DGKI: variants seen among roughly 807,000 people sequenced by gnomAD.
DGKI encodes the protein DAG kinase iota.
Under a neutral mutation model 147.5 loss-of-function variants are expected in DGKI, and 55 were observed. That is an observed-to-expected ratio of 0.37 (90% CI 0.30 to 0.47). DGKI has a LOEUF of 0.47. DGKI is among the 20% of genes least tolerant of loss of function. DGKI has a pLI of 1.00. For synonymous variants in DGKI, 469 were observed against 477.1 expected (o/e 0.98, Z 0.22); for missense variants, 1,007 against 1,323.8 (o/e 0.76, Z 3.71).
intron 6 of DGKI, among the ~76,000 whole-genome samples, chr7:137,636,098 G>A (rs1308072898): frequency 6.6e-5 from 10 of 152,168 alleles, no homozygotes; most frequent in Non-Finnish European, 1.3e-4. Context: ...AACAGAAGCT[G>A]GAAGAATACA....
Position 137,407,984 on chromosome 7 carries a change from G to T in DGKI, c.2811C>A (p.Ser937Arg). ...TTAGCAGACTGCCTCCATTTTTATAGCTTTCTATTAGCTGCAAAGAGAGAC... is the reference window on the plus strand; with the variant it reads ...TTAGCAGACTGCCTCCATTTTTATATCTTTCTATTAGCTGCAAAGAGAGAC... ...IAGDLMKLIE[S>R]YKNGGSLLIQ... The change falls in exon 30 of 33, where the codon AGC becomes AGA. Residue 937 changes from serine to arginine, a missense_variant. By Grantham distance (110) the Ser-to-Arg change is moderately radical. Transcript: ENST00000614521. The T allele has an allele frequency of 1.3e-6, 2 of 1,562,856 alleles. No individual in the cohort carries two copies. Among genetic ancestry groups the T allele is most frequent in the East Asian group, 4.7e-5 (2 of 42,938 alleles).
chr7:137,710,676 A>G (rs1169325204), intron 1 of DGKI, among the ~76,000 whole-genome samples: 1 of 152,166 alleles, frequency 6.6e-6, no homozygotes, highest in Non-Finnish European at 1.5e-5. Flanking sequence ...AAGTTTTAGA[A>G]GATAATACAG....
At position 137,408,000 on chromosome 7, in the gene DGKI, A is replaced by T. The variant is rs1585084575; in HGVS notation, c.2800-5T>A. 2 of 163,834 alleles carry T rather than the reference A, an allele frequency of 1.2e-5. 1 individual carries two copies. Among genetic ancestry groups the T allele is most frequent in the Middle Eastern group, 4.9e-3 (2 of 408 alleles). The allele number at this position is 163,834 out of a possible 1,614,324, so 10.1% of individuals were successfully genotyped here. A position where few individuals can be genotyped will look rare whatever the true frequency, so the allele number is the denominator to read the frequency against. ...ATTTTTATAGCTTTCTATTAGCTGCAAAGAGAGACATACAAAAAGAAGCTC... is the reference window on the plus strand; with the variant it reads ...ATTTTTATAGCTTTCTATTAGCTGCTAAGAGAGACATACAAAAAGAAGCTC... On this transcript the variant is annotated splice_region_variant and splice_polypyrimidine_tract_variant and intron_variant, in intron 29 of 32. Transcript: ENST00000614521.
At position 137,415,058 on chromosome 7, in the gene DGKI, T is replaced by C. The variant is rs537357967; in HGVS notation, c.2762-2851A>G. On this transcript the variant is annotated intron_variant, in intron 28 of 32. Coordinates refer to ENST00000614521, the MANE Select transcript of DGKI (RefSeq NM_001321708.2). ...AAGGAGCCTACCAATAAGGGTAAAA[T>C]TGGCATGTGAAGCTGGGCAGACATA... Among the ~76,000 whole-genome samples, 183 of 152,234 alleles carry C rather than the reference T, an allele frequency of 1.2e-3. 1 individual carries two copies. The highest frequency in any genetic ancestry group is 4.2e-3 in the African/African-American group (173 of 41,536).
At chr7:137,550,740 C>A (rs1818017941) in intron 20 of DGKI, among the ~76,000 whole-genome samples, 1 of 152,184 alleles carries the variant, frequency 6.6e-6, no homozygotes, top group South Asian at 2.1e-4. Context: ...AATACAGAAG[C>A]AGCAGGTCTA....
At chr7:137,517,224 A>C (rs1816776219) in intron 21 of DGKI, among the ~76,000 whole-genome samples, 1 of 138,738 alleles carries the variant, frequency 7.2e-6, no homozygotes, top group South Asian at 2.2e-4. Flanking sequence ...AAAAGAAAAG[A>C]AAAAGAAAGA....
At chr7:137,546,363 T>C (rs1017502549) in intron 20 of DGKI, among the ~76,000 whole-genome samples, 11 of 152,154 alleles carry the variant, frequency 7.2e-5, no homozygotes, top group African/African-American at 2.4e-4. Context: ...TAAACTCATC[T>C]TTGAAAAGAT....
chr7:137,599,989 A>T, intron 10 of DGKI, 84 bp from the exon 11 acceptor site: 2 of 1,199,448 alleles, frequency 1.7e-6, no homozygotes, highest in Non-Finnish European at 2.4e-6. Context: ...AAATACTTTT[A>T]TTTAAAATAA....
rs1235035855 is a variant in DGKI at position 137,391,228 on chromosome 7, C to T, written c.3166G>A (p.Ala1056Thr). ...KVIGHEDLET[A>T]V is the part of the protein sequence containing the mutation. ...TTGCCCGAATACCAGGGTCAAACAGCAGTTTCCAGGTCCTCATGGCCAATG... is the reference window on the plus strand; with the variant it reads ...TTGCCCGAATACCAGGGTCAAACAGTAGTTTCCAGGTCCTCATGGCCAATG... The change falls in exon 33 of 33, where the codon GCT becomes ACT. Residue 1056 changes from alanine (A) to threonine (T), a missense_variant. Ala to Thr is a moderately conservative substitution (Grantham distance 58, BLOSUM62 0). Around this residue, in one of 5 missense-constraint regions of DGKI, gnomAD observed 385 missense variants for 445.2 expected, o/e 0.86. Coordinates refer to ENST00000614521, the MANE Select transcript of DGKI (RefSeq NM_001321708.2). 2 of 1,613,410 alleles carry T rather than the reference C, an allele frequency of 1.2e-6. No homozygotes were observed. The highest frequency in any genetic ancestry group is 2.7e-5 in the African/African-American group (2 of 74,878).
chr7:137,675,936 C>T lies in DGKI; in HGVS notation c.606+2621G>A, dbSNP rs550685747. Reference sequence around the variant, plus strand: ...ATACTGGAAGACATCTCTCTGCCTTCGCTCCTAATACTCAGCTGTAGCCCA... The same window carrying T: ...ATACTGGAAGACATCTCTCTGCCTTTGCTCCTAATACTCAGCTGTAGCCCA... On this transcript the variant is annotated intron_variant, in intron 3 of 32. Transcript: ENST00000614521. 2.6e-4 allele frequency among the ~76,000 whole-genome samples: 39 copies of T among 152,260 alleles called. 1 individual carries two copies. Among genetic ancestry groups the T allele is most frequent in the Admixed American group, 9.8e-4 (15 of 15,288 alleles).
chr7:137,636,014 C>T (rs1821297825), intron 6 of DGKI, among the ~76,000 whole-genome samples: 1 of 152,174 alleles, frequency 6.6e-6, no homozygotes, highest in Admixed American at 6.5e-5. Context: ...GACTAGCAGG[C>T]ACAGAAAGGA....
intron 28 of DGKI, among the ~76,000 whole-genome samples, chr7:137,435,835 AGTGGCAC>A (rs1813258502): frequency 6.6e-6 from 1 of 152,214 alleles, no homozygotes; most frequent in Non-Finnish European, 1.5e-5. Context: ...GCTAGAGTAC[AGTGGCAC>A]GATCTCGGCT....
Position 137,473,676 on chromosome 7 carries a change from TCTC to T in DGKI, c.2374-4060_2374-4058del, listed in dbSNP as rs1178492531. On this transcript the variant is annotated intron_variant, in intron 23 of 32. Transcript: ENST00000614521. ...AAAAGCTCTCTGAGCTTGTGGCTAT[TCTC>T]CTAGGAGCAGACTGAAACTAGGTCA... is the stretch of plus-strand genomic sequence containing the variant. Among the ~76,000 whole-genome samples, 6 of 152,240 alleles carry T rather than the reference TCTC, an allele frequency of 3.9e-5. No individual in the cohort carries two copies. In the South Asian group the frequency reaches 1.0e-3, roughly 26 times the overall value.
chr7:137,551,096 A>C (rs1346043859), intron 20 of DGKI, among the ~76,000 whole-genome samples: 1 of 152,226 alleles, frequency 6.6e-6, no homozygotes, highest in Non-Finnish European at 1.5e-5. Context: ...TAAACAAAGA[A>C]AGACATGTAA....
chr7:137,740,374 G>A (rs1405171502), intron 1 of DGKI, among the ~76,000 whole-genome samples: 8 of 152,132 alleles, frequency 5.3e-5, no homozygotes. Context: ...TCTACAGGGA[G>A]GACCCCTGAG....
At chr7:137,534,679 A>G (rs1817458617) in intron 20 of DGKI, among the ~76,000 whole-genome samples, 2 of 152,026 alleles carry the variant, frequency 1.3e-5, no homozygotes, top group Admixed American at 1.3e-4. Flanking sequence ...AACAACTAAA[A>G]TATTTATATA....
chr7:137,432,224 C>T (rs1267294475), intron 28 of DGKI, among the ~76,000 whole-genome samples: 1 of 152,132 alleles, frequency 6.6e-6, no homozygotes, highest in African/African-American at 2.4e-5. Context: ...TTACAAATTA[C>T]CCAGTCTCAG....
chr7:137,806,988 T>G (rs530226474), intron 1 of DGKI, among the ~76,000 whole-genome samples: 26 of 152,286 alleles, frequency 1.7e-4, no homozygotes, highest in African/African-American at 6.3e-4. Context: ...CTATGAGCCC[T>G]CGAAATAAGG....
At chr7:137,493,835 A>G in intron 21 of DGKI, 2 of 699,122 alleles carry the variant, frequency 2.9e-6, no homozygotes, top group Non-Finnish European at 5.2e-6. Context: ...AGTCTGAAAT[A>G]GCTGAAATGA....
Sources: gnomAD v4.1 joint callset for allele counts (sites outside exome capture counted in the v4.1 genomes callset) on GRCh38, gnomAD v4.1.1 for gene constraint, gnomAD v4.1.1 regional missense constraint, MANE v1.5 for transcripts, NCBI Gene and HGNC (gene_info 2026-07-23, HGNC 2026-07-21) for gene names.